SORCS3: variants seen among roughly 807,000 people sequenced by gnomAD.
The protein encoded by SORCS3 is sortilin related VPS10 domain containing receptor 3.
In SORCS3, 57 loss-of-function variants were observed where a neutral mutation model predicts 146.3. That is an observed-to-expected ratio of 0.39 (90% CI 0.31 to 0.49). SORCS3 has a LOEUF of 0.49. SORCS3 is among the 20% of genes least tolerant of loss of function. SORCS3 has a pLI of 0.92. For missense variants in SORCS3, 1,341 were observed against 1,575.5 expected (o/e 0.85, Z 2.52); for synonymous variants, 653 against 618.5 (o/e 1.06, Z -0.83).
chr10:105,245,630 C>T lies in SORCS3; in HGVS notation c.2957C>T (p.Ala986Val). The change falls in exon 21 of 27, where the codon GCC (alanine) becomes GTC (valine). Residue 986 changes from alanine to valine, a missense_variant. Ala to Val is a moderately conservative substitution (Grantham distance 64). Coordinates refer to ENST00000369701, the MANE Select transcript of SORCS3 (RefSeq NM_014978.3). The part of the protein sequence containing the change: ...TITVQVAAGN[A>V]LIQDTKEIAV... The stretch of plus-strand genomic sequence containing the variant: ...ACAGTCCAGGTGGCTGCTGGGAATG[C>T]CCTCATCCAGGACACAAAAGAGATT... 1.2e-6 allele frequency: 2 copies of T among 1,614,066 alleles called. No individual in the cohort carries two copies. The highest frequency in any genetic ancestry group is 1.7e-6 in the Non-Finnish European group (2 of 1,179,984).
chr10:104,843,344 C>G (rs2018165442), intron 2 of SORCS3, among the ~76,000 whole-genome samples: 1 of 152,190 alleles, frequency 6.6e-6, no homozygotes, highest in African/African-American at 2.4e-5. Flanking sequence ...TGATGATGTT[C>G]TGATCCCCAG....
chr10:104,850,067 A>G (rs1319345515), intron 2 of SORCS3, among the ~76,000 whole-genome samples: 1 of 152,136 alleles, frequency 6.6e-6, no homozygotes, highest in Non-Finnish European at 1.5e-5. Context: ...CTCGGTCTTT[A>G]TTGGTTTCCT....
chr10:104,723,930 G>A lies in SORCS3; in HGVS notation c.627+81976G>A, dbSNP rs376939087. ...CTGATGGGTCTTGACTCTTTATCCAGTTTGCCAGTCTGTGTCTTTTAATTG... is the reference window on the plus strand; with the variant it reads ...CTGATGGGTCTTGACTCTTTATCCAATTTGCCAGTCTGTGTCTTTTAATTG... On this transcript the variant is annotated intron_variant, in intron 1 of 26. Coordinates refer to ENST00000369701, the MANE Select transcript of SORCS3 (RefSeq NM_014978.3). 3.7e-4 allele frequency among the ~76,000 whole-genome samples: 57 copies of A among 152,136 alleles called. No homozygotes were observed. In the South Asian group the frequency reaches 4.2e-3, roughly 11 times the overall value.
chr10:105,188,857 G>C (rs2056495807), intron 14 of SORCS3, among the ~76,000 whole-genome samples: 1 of 152,192 alleles, frequency 6.6e-6, no homozygotes, highest in African/African-American at 2.4e-5. Flanking sequence ...TTGAAGCTGG[G>C]TGAAAGGATT....
intron 5 of SORCS3, among the ~76,000 whole-genome samples, chr10:105,082,873 T>G (rs921797757): frequency 1.3e-5 from 2 of 152,000 alleles, no homozygotes; most frequent in African/African-American, 4.8e-5. Context: ...TGGGATTACA[T>G]GTACACACCA....
chr10:104,663,421 C>T (rs149990916), intron 1 of SORCS3, among the ~76,000 whole-genome samples: 1,662 of 152,290 alleles, frequency 0.011, 83 homozygotes, highest in Admixed American at 0.09. Context: ...CCCTGCAGTG[C>T]AAAACTGATC....
chr10:105,160,548 A>G (rs1438776777), intron 11 of SORCS3, among the ~76,000 whole-genome samples: 4 of 151,976 alleles, frequency 2.6e-5, no homozygotes, highest in African/African-American at 9.7e-5. Flanking sequence ...TATTGCTTGA[A>G]CCCAGGAGGC....
intron 7 of SORCS3, among the ~76,000 whole-genome samples, chr10:105,120,940 G>A (rs1358716088): frequency 6.6e-6 from 1 of 152,126 alleles, no homozygotes; most frequent in Non-Finnish European, 1.5e-5. Context: ...TAAGCGTGCT[G>A]TGCAGTTCAT....
intron 3 of SORCS3, among the ~76,000 whole-genome samples, chr10:104,947,197 G>A (rs2019380561): frequency 6.6e-6 from 1 of 152,142 alleles, no homozygotes; most frequent in African/African-American, 2.4e-5. Context: ...CCTTCCAGGA[G>A]GGAATGTGAT....
At chr10:105,148,859 G>C (rs1052449511) in intron 9 of SORCS3, among the ~76,000 whole-genome samples, 5 of 152,088 alleles carry the variant, frequency 3.3e-5, no homozygotes, top group Non-Finnish European at 5.9e-5. Context: ...GTTTGGTTCT[G>C]TGTCCCTACC....
chr10:104,703,711 GTT>G (rs11338927), intron 1 of SORCS3, among the ~76,000 whole-genome samples: 2,727 of 135,400 alleles, frequency 0.02, 68 homozygotes, highest in African/African-American at 0.061. Context: ...CATGTATCCT[GTT>G]TTTTTTTTTT....
In SORCS3 at chr10:104,718,012, G is replaced by A. The variant is rs2016499381; in HGVS notation, c.627+76058G>A. 3.3e-5 allele frequency among the ~76,000 whole-genome samples: 5 copies of A among 152,228 alleles called. No individual in the cohort carries two copies. The South Asian group carries it at 1.0e-3, about 32-fold the overall frequency. Reference sequence around the variant, plus strand: ...AAAAATAAAATTAGCCAGGCATGGTGGCAGGTGCCTGTAATCCCAGCTACT... The same window carrying A: ...AAAAATAAAATTAGCCAGGCATGGTAGCAGGTGCCTGTAATCCCAGCTACT... On this transcript the variant is annotated intron_variant, in intron 1 of 26. Transcript: ENST00000369701.
intron 2 of SORCS3, among the ~76,000 whole-genome samples, chr10:104,898,838 C>T (rs1368750419): frequency 2.0e-5 from 3 of 152,150 alleles, no homozygotes; most frequent in Admixed American, 2.0e-4. Flanking sequence ...TTTTTCCCCC[C>T]ATCACCCTGC....
intron 8 of SORCS3, among the ~76,000 whole-genome samples, chr10:105,146,453 A>G (rs576768574): frequency 1.2e-4 from 19 of 152,222 alleles, no homozygotes; most frequent in Non-Finnish European, 2.8e-4. Context: ...ATCAGTATGT[A>G]AGTGGCGGAC....
intron 6 of SORCS3, among the ~76,000 whole-genome samples, chr10:105,095,647 G>A (rs561288139): frequency 2.7e-5 from 4 of 150,108 alleles, no homozygotes; most frequent in African/African-American, 9.8e-5. Context: ...CACTCTTTCT[G>A]CTCAATCTCC....
At chr10:105,105,300 T>A in intron 6 of SORCS3, 97 bp from the exon 7 acceptor site, 1 of 693,390 alleles carries the variant, frequency 1.4e-6, no homozygotes, top group South Asian at 1.8e-5. Flanking sequence ...TTAAATTACC[T>A]TGTTGATTCC....
intron 1 of SORCS3, among the ~76,000 whole-genome samples, chr10:104,789,050 G>T: frequency 6.6e-6 from 1 of 152,178 alleles, no homozygotes; most frequent in East Asian, 1.9e-4. Flanking sequence ...GCAGGGTGAG[G>T]GGGGCAGGAG....
intron 1 of SORCS3, among the ~76,000 whole-genome samples, chr10:104,818,360 T>TTC (rs1564690794): frequency 0.072 from 10,007 of 139,812 alleles, 569 homozygotes; most frequent in Middle Eastern, 0.099. Context: ...TCTTCTCCTT[T>TTC]CTTCCTTCCT....
At chr10:104,754,559 C>G (rs2017025818) in intron 1 of SORCS3, among the ~76,000 whole-genome samples, 2 of 146,730 alleles carry the variant, frequency 1.4e-5, no homozygotes, top group South Asian at 2.5e-4. Context: ...GTTTTAGGTG[C>G]TATTAAGGGA....
Sources: gnomAD v4.1 joint callset for allele counts (sites outside exome capture counted in the v4.1 genomes callset) on GRCh38, gnomAD v4.1.1 for gene constraint, MANE v1.5 for transcripts, NCBI Gene and HGNC (gene_info 2026-07-23, HGNC 2026-07-21) for gene names.